The following IFI16 variants were observed in gnomAD, a reference collection of about 807,000 sequenced individuals.
The protein encoded by IFI16 is gamma-interferon-inducible protein 16.
A neutral mutation model predicts 68.4 loss-of-function variants in IFI16; 49 were observed. That is an observed-to-expected ratio of 0.72 (90% CI 0.57 to 0.91). The LOEUF (loss-of-function observed/expected upper bound fraction) is 0.91, where lower values mean the gene tolerates loss of function less well. Among genes scored for constraint, IFI16 ranks in the 40% least tolerant of loss-of-function variants. The pLI is 0.00. For synonymous variants in IFI16, 307 were observed against 315.0 expected (o/e 0.97, Z 0.27); for missense variants, 878 against 942.9 (o/e 0.93, Z 0.90).
At chr1:159,031,576 G>C (rs1654000964) in intron 6 of IFI16, among the ~76,000 whole-genome samples, 1 of 152,176 alleles carries the variant, frequency 6.6e-6, no homozygotes. Context: ...TCCAGGTAAG[G>C]TCAAATCCTT....
At chr1:159,035,860 T>C (rs1477767577) in intron 7 of IFI16, among the ~76,000 whole-genome samples, 1 of 151,948 alleles carries the variant, frequency 6.6e-6, no homozygotes, top group East Asian at 1.9e-4. Context: ...AAAAATTACA[T>C]AGTGATTTAA....
At chr1:159,023,862 G>A (rs556549382) in intron 6 of IFI16, among the ~76,000 whole-genome samples, 95 of 152,330 alleles carry the variant, frequency 6.2e-4, no homozygotes, top group Non-Finnish European at 9.7e-4. Flanking sequence ...TGCCGTGAGA[G>A]GCACAAAGTA....
intron 7 of IFI16, among the ~76,000 whole-genome samples, chr1:159,043,577 G>A (rs1020735796): frequency 6.6e-6 from 1 of 152,152 alleles, no homozygotes; most frequent in Non-Finnish European, 1.5e-5. Flanking sequence ...GGGAATCCTT[G>A]CTCTTATACA....
chr1:159,022,510 A>G (rs1210225352), intron 6 of IFI16, among the ~76,000 whole-genome samples: 1 of 152,102 alleles, frequency 6.6e-6, no homozygotes, highest in African/African-American at 2.4e-5. Flanking sequence ...ACGGGACCTC[A>G]CCTTCTGTAT....
intron 6 of IFI16, among the ~76,000 whole-genome samples, chr1:159,028,803 G>A (rs933898347): frequency 1.2e-5 from 1 of 85,262 alleles, no homozygotes; most frequent in Non-Finnish European, 2.1e-5. Context: ...TTGTTTTTTG[G>A]TGTCCATTTG....
intron 8 of IFI16, among the ~76,000 whole-genome samples, chr1:159,046,926 G>A (rs144726471): frequency 2.6e-5 from 4 of 151,310 alleles, no homozygotes; most frequent in East Asian, 3.9e-4. Flanking sequence ...CCTTTCCTAG[G>A]AGAAGATAAC....
Position 159,049,560 on chromosome 1 carries a change from G to T in IFI16, c.1626G>T (p.Gln542His), listed in dbSNP as rs777079336. ...GPAESHPHTPQMPPSTPSSSF... is the reference protein window; with the variant it reads ...GPAESHPHTPHMPPSTPSSSF... ...CTGAGAGCCATCCCCACACTCCTCA[G>T]ATGCCTCCATCAACACCAAGCAGCA... Residue 542 changes from glutamine (Q) to histidine (H), a missense_variant, in exon 9 of 12, where the codon CAG becomes CAT. Physicochemically the swap from Gln to His is conservative, Grantham distance 24. Transcript: ENST00000295809. 6.3e-7 allele frequency: 1 copy of T among 1,577,420 alleles called. No homozygotes were observed. The highest frequency in any genetic ancestry group is 8.6e-7 in the Non-Finnish European group (1 of 1,166,404).
intron 9 of IFI16, 66 bp downstream of exon 9, chr1:159,049,665 G>A (rs148871600): frequency 1.3e-5 from 20 of 1,593,652 alleles, no homozygotes; most frequent in East Asian, 6.7e-5. Flanking sequence ...TAACACAACC[G>A]TGAAAGCACC....
At chr1:159,044,063 A>G (rs1446188999) in intron 7 of IFI16, among the ~76,000 whole-genome samples, 1 of 152,176 alleles carries the variant, frequency 6.6e-6, no homozygotes, top group Non-Finnish European at 1.5e-5. Flanking sequence ...GAAAAATAAT[A>G]GCAACAAAGA....
intron 2 of IFI16, 113 bp downstream of exon 2, chr1:159,015,058 T>A: frequency 9.8e-7 from 1 of 1,025,326 alleles, no homozygotes; most frequent in Non-Finnish European, 1.4e-6. Context: ...AGTTTGTGAC[T>A]CAACAGCTGA....
intron 8 of IFI16, among the ~76,000 whole-genome samples, chr1:159,048,652 T>G (rs1335832151): frequency 1.3e-5 from 2 of 151,480 alleles, no homozygotes; most frequent in Non-Finnish European, 3.0e-5. Flanking sequence ...TATCAACAAT[T>G]GCCACTTAAA....
chr1:159,037,186 C>T (rs994892794), intron 7 of IFI16, among the ~76,000 whole-genome samples: 1 of 152,140 alleles, frequency 6.6e-6, no homozygotes, highest in Non-Finnish European at 1.5e-5. Context: ...TCAAAGTTCC[C>T]AATTGCCTAA....
At chr1:159,027,994 TTGTC>T (rs1276316775) in intron 6 of IFI16, among the ~76,000 whole-genome samples, 4 of 152,216 alleles carry the variant, frequency 2.6e-5, no homozygotes, top group South Asian at 2.1e-4. Flanking sequence ...GTGTTGTTCT[TTGTC>T]TGTCACAATT....
At chr1:159,016,811 A>T in intron 4 of IFI16, 111 bp downstream of exon 4, 1 of 939,746 alleles carries the variant, frequency 1.1e-6, no homozygotes, top group East Asian at 2.4e-5. Context: ...AATCCAATGT[A>T]CATATTGAGA....
intron 6 of IFI16, among the ~76,000 whole-genome samples, chr1:159,024,663 A>G (rs1653539924): frequency 6.6e-6 from 1 of 152,192 alleles, no homozygotes; most frequent in African/African-American, 2.4e-5. Context: ...CCGGGACATA[A>G]ATATTTGTGT....
chr1:159,046,124 C>G (rs982308157), intron 8 of IFI16, among the ~76,000 whole-genome samples: 1 of 151,246 alleles, frequency 6.6e-6, no homozygotes, highest in Non-Finnish European at 1.5e-5. Context: ...TTATTCCATA[C>G]ATTATAAAAT....
At chr1:159,027,067 A>T (rs1031122024) in intron 6 of IFI16, among the ~76,000 whole-genome samples, 8 of 152,172 alleles carry the variant, frequency 5.3e-5, no homozygotes, top group Admixed American at 3.3e-4. Flanking sequence ...ACTATGTTGA[A>T]TAGAAGTGGT....
intron 9 of IFI16, 64 bp downstream of exon 9, chr1:159,049,663 C>T: frequency 6.3e-7 from 1 of 1,595,102 alleles, no homozygotes. Flanking sequence ...ATTAACACAA[C>T]CGTGAAAGCA....
intron 6 of IFI16, among the ~76,000 whole-genome samples, chr1:159,032,129 G>C (rs1200358583): frequency 1.3e-5 from 2 of 152,304 alleles, no homozygotes; most frequent in African/African-American, 2.4e-5. Context: ...TCTAGGGAGA[G>C]AAAATGTCAC....
Sources: allele counts gnomAD v4.1 joint callset (sites outside exome capture counted in the v4.1 genomes callset), GRCh38; gene constraint gnomAD v4.1.1; transcripts MANE v1.5; gene names NCBI Gene and HGNC (gene_info 2026-07-23, HGNC 2026-07-21).